SH3TC1: variants seen among roughly 807,000 people sequenced by gnomAD.
The protein encoded by SH3TC1 is SH3 domain and tetratricopeptide repeats 1, also known as SH3 domain and tetratricopeptide repeat-containing protein 1.
In SH3TC1, 135 loss-of-function variants were observed where a neutral mutation model predicts 117.3. The ratio of observed to expected loss-of-function variants is 1.15; its 90% CI spans 1.00 to 1.33. The LOEUF (loss-of-function observed/expected upper bound fraction) is 1.33. SH3TC1 is among the 40% of genes most tolerant of loss of function. The pLI is 0.00. For missense variants in SH3TC1, 2,092 were observed against 1,794.3 expected (o/e 1.17, Z -3.00); for synonymous variants, 898 against 816.9 (o/e 1.10, Z -1.69).
At position 8,231,890 on chromosome 4, in the gene SH3TC1, G is replaced by T. The variant is rs966768102; in HGVS notation, c.2951-86G>T. On this transcript the variant is annotated intron_variant, in intron 12 of 17. Transcript: ENST00000245105. ...CCAGGCTCACAGAGGTGTGAAAGAG[G>T]CAAGCACACCGCAGGGGCCTCTGAG... is the stretch of plus-strand genomic sequence containing the variant. 9 of 1,485,404 alleles carry T rather than the reference G, an allele frequency of 6.1e-6. No individual in the cohort carries two copies. In the African/African-American group the frequency reaches 1.2e-4, roughly 21 times the overall value. The allele number at this position is 1,485,404 out of a possible 1,614,324, so 92.0% of individuals were successfully genotyped here.
intron 4 of SH3TC1, 72 bp from the exon 5 acceptor site, chr4:8,214,403 T>A: frequency 7.2e-7 from 1 of 1,390,464 alleles, no homozygotes; most frequent in Non-Finnish European, 1.0e-6. Context: ...CTCTGTCATG[T>A]GGACGCTGTC....
At chr4:8,221,775 G>T (rs1026932207) in intron 9 of SH3TC1, among the ~76,000 whole-genome samples, 1 of 152,188 alleles carries the variant, frequency 6.6e-6, no homozygotes, top group African/African-American at 2.4e-5. Flanking sequence ...CTCAGATTTT[G>T]CCAGGAGCCA....
At chr4:8,208,369 C>CTTTT (rs151217437) in intron 2 of SH3TC1, among the ~76,000 whole-genome samples, 7 of 140,726 alleles carry the variant, frequency 5.0e-5, no homozygotes, top group African/African-American at 7.8e-5. Context: ...ACATTTCTTT[C>CTTTT]TTTTTTTTTA....
intron 15 of SH3TC1, 146 bp from the exon 16 acceptor site, chr4:8,236,132 C>A: frequency 9.4e-7 from 1 of 1,059,520 alleles, no homozygotes; most frequent in Non-Finnish European, 1.3e-6. Context: ...GTGTCTGAAC[C>A]GCCCTTTATC....
chr4:8,185,349 A>G (rs1473239113), intron 1 of SH3TC1, among the ~76,000 whole-genome samples: 4 of 152,042 alleles, frequency 2.6e-5, no homozygotes, highest in African/African-American at 9.7e-5. Context: ...AAAAAACAAA[A>G]AAAGCGCACA....
At chr4:8,188,375 G>A (rs1301592310) in intron 1 of SH3TC1, among the ~76,000 whole-genome samples, 2 of 152,204 alleles carry the variant, frequency 1.3e-5, no homozygotes, top group Non-Finnish European at 2.9e-5. Flanking sequence ...GGGCAACACC[G>A]CCTGCTGACC....
chr4:8,200,109 GC>G (rs1717731539), intron 1 of SH3TC1, among the ~76,000 whole-genome samples: 1 of 152,240 alleles, frequency 6.6e-6, no homozygotes, highest in African/African-American at 2.4e-5. Flanking sequence ...CCAACCTTTT[GC>G]CGTTGACGAG....
chr4:8,215,212 C>T (rs910006287), intron 5 of SH3TC1: 27 of 456,132 alleles, frequency 5.9e-5, no homozygotes, highest in Non-Finnish European at 9.3e-5. Context: ...CAGTGCTGAC[C>T]GGGAAAGCTG....
In SH3TC1 at chr4:8,233,476, T is replaced by C; in HGVS notation, c.3245T>C (p.Ile1082Thr). 6.2e-7 allele frequency: 1 copy of C among 1,613,532 alleles called. No homozygotes were observed. Among genetic ancestry groups the C allele is most frequent in the Non-Finnish European group, 8.5e-7 (1 of 1,179,792 alleles). Reference protein sequence around the residue: ...AWLQAGKIYYILRQSELVDLY... With the variant: ...AWLQAGKIYYTLRQSELVDLY... Reference sequence around the variant, plus strand: ...CTGCAAGCAGGGAAGATCTATTACATCTTGCGGCAGAGCGAGCTGGTGGAC... The same window carrying C: ...CTGCAAGCAGGGAAGATCTATTACACCTTGCGGCAGAGCGAGCTGGTGGAC... The change falls in exon 14 of 18, where the codon ATC (isoleucine) becomes ACC (threonine). Residue 1082 changes from isoleucine (I) to threonine (T), a missense_variant. Coordinates refer to ENST00000245105, the MANE Select transcript of SH3TC1 (RefSeq NM_018986.5).
At chr4:8,230,801 T>TA (rs1553807296) in intron 12 of SH3TC1, among the ~76,000 whole-genome samples, 1 of 137,834 alleles carries the variant, frequency 7.3e-6, no homozygotes, top group African/African-American at 2.6e-5. Flanking sequence ...TTTTTTTTTT[T>TA]AGACAGAGTT....
chr4:8,226,284 G>A (rs899842775), intron 11 of SH3TC1, among the ~76,000 whole-genome samples: 4 of 152,220 alleles, frequency 2.6e-5, no homozygotes, highest in Non-Finnish European at 2.9e-5. Flanking sequence ...AGCAGGCTGC[G>A]TGGGCAGCCT....
intron 15 of SH3TC1, chr4:8,235,957 A>G: frequency 2.6e-6 from 1 of 387,342 alleles, no homozygotes; most frequent in Non-Finnish European, 4.6e-6. Context: ...CTCTGAGCTC[A>G]TGGTGTGGCT....
intron 5 of SH3TC1, among the ~76,000 whole-genome samples, chr4:8,214,797 C>A (rs1561690304): frequency 6.6e-6 from 1 of 151,838 alleles, no homozygotes; most frequent in Admixed American, 6.5e-5. Flanking sequence ...GATTCTCCTG[C>A]CTCAGCTTCC....
In SH3TC1 at chr4:8,217,135, G is replaced by A. The variant is rs201009287; in HGVS notation, c.807G>A (p.Ala269=). Residue 269 remains alanine (A), a synonymous_variant, in exon 7 of 18, where the codon GCG becomes GCA. Coordinates refer to ENST00000245105, the MANE Select transcript of SH3TC1 (RefSeq NM_018986.5). The part of the protein sequence containing the change: ...PSVSSEEVAV[A]AAPEPLIPFH... ...TGTCCTCCGAGGAGGTGGCAGTGGC[G>A]GCCGCCCCGGAGCCTTTGATTCCAT... The A allele has an allele frequency of 9.5e-4, 1,539 of 1,612,346 alleles. 10 individuals carry two copies. The African/African-American group carries it at 0.013, about 14-fold the overall frequency.
chr4:8,201,968 T>A (rs371302813), intron 1 of SH3TC1, among the ~76,000 whole-genome samples: 122 of 152,200 alleles, frequency 8.0e-4, no homozygotes, highest in African/African-American at 2.8e-3. Flanking sequence ...AAGGCAGAGA[T>A]GGGAGGACAA....
At chr4:8,240,587 T>C (rs1203016967) in intron 17 of SH3TC1, 111 bp from the exon 18 acceptor site, 26 of 1,520,052 alleles carry the variant, frequency 1.7e-5, no homozygotes, top group East Asian at 2.3e-5. Flanking sequence ...TCGGGGCTCA[T>C]GGGGTGAGCC....
At chr4:8,236,902 C>T in intron 16 of SH3TC1, 1 of 163,558 alleles carries the variant, frequency 6.1e-6, no homozygotes, top group Non-Finnish European at 1.3e-5. Flanking sequence ...GAGGGAGCCC[C>T]AGACAGGCCA....
At position 8,235,466 on chromosome 4, in the gene SH3TC1, C is replaced by A. The variant is rs767797536; in HGVS notation, c.3316C>A (p.Pro1106Thr). 1.7e-4 allele frequency: 268 copies of A among 1,598,382 alleles called. No homozygotes were observed. The highest frequency in any genetic ancestry group is 2.2e-4 in the Non-Finnish European group (256 of 1,171,148). Residue 1106 changes from proline (P) to threonine (T), a missense_variant, in exon 15 of 18, where the codon CCC (proline) becomes ACC (threonine). Coordinates refer to ENST00000245105, the MANE Select transcript of SH3TC1 (RefSeq NM_018986.5). ...AQNVALYTGD[P>T]NLGLELFEAA... ...GAACGTGGCCCTGTACACAGGCGAC[C>A]CCAACCTGGGGCTGGAGCTGTTTGA...
chr4:8,237,612 C>T lies in SH3TC1; in HGVS notation c.3695C>T (p.Thr1232Ile). The change falls in exon 17 of 18, where the codon ACC (threonine) becomes ATC (isoleucine). Residue 1232 changes from threonine (T) to isoleucine (I), a missense_variant. By Grantham distance (89) the Thr-to-Ile change is moderately conservative. Coordinates refer to ENST00000245105, the MANE Select transcript of SH3TC1 (RefSeq NM_018986.5). ...TCGCCGCTGGAGTTTGACGAGGAGA[C>T]CCTCTACTACGTGAAGGTGTACCTG... ...CNSPLEFDEETLYYVKVYLVL... is the reference protein window; with the variant it reads ...CNSPLEFDEEILYYVKVYLVL... 2 of 1,612,498 alleles carry T rather than the reference C, an allele frequency of 1.2e-6. No homozygotes were observed. The highest frequency in any genetic ancestry group is 2.7e-5 in the African/African-American group (2 of 75,034).
Sources: allele counts gnomAD v4.1 joint callset (sites outside exome capture counted in the v4.1 genomes callset), GRCh38; gene constraint gnomAD v4.1.1; transcripts MANE v1.5; gene names NCBI Gene and HGNC (gene_info 2026-07-23, HGNC 2026-07-21).